Variants in BRAF observed in about 807,000 individuals in gnomAD.
The protein encoded by BRAF is B-Raf proto-oncogene, serine/threonine kinase.
A neutral mutation model predicts 104.6 loss-of-function variants in BRAF; 16 were observed. The ratio of observed to expected loss-of-function variants is 0.15; its 90% confidence interval spans 0.10 to 0.23. The LOEUF (loss-of-function observed/expected upper bound fraction) is 0.23. BRAF is among the 10% of genes least tolerant of loss of function. BRAF has a pLI of 1.00. For synonymous variants in BRAF, 310 were observed against 341.6 expected (o/e 0.91, Z 1.02); for missense variants, 541 against 937.3 (o/e 0.58, Z 5.52).
At chr7:140,892,671 T>C (rs1192502969) in intron 1 of BRAF, among the ~76,000 whole-genome samples, 1 of 152,038 alleles carries the variant, frequency 6.6e-6, no homozygotes, top group Non-Finnish European at 1.5e-5. Context: ...GGTAGAGAGG[T>C]AGGAAAGGGC....
chr7:140,779,697 C>A (rs1178596071), intron 12 of BRAF: 1 of 152,210 alleles, frequency 6.6e-6, no homozygotes, highest in Non-Finnish European at 1.5e-5. Flanking sequence ...CTTTGGAAGG[C>A]CAAGGTGGGT....
chr7:140,896,394 A>T (rs1814899957), intron 1 of BRAF, among the ~76,000 whole-genome samples: 2 of 152,176 alleles, frequency 1.3e-5, no homozygotes, highest in African/African-American at 4.8e-5. Context: ...CACATCCAAA[A>T]GGATGAAAAC....
chr7:140,800,335 C>T lies in BRAF; in HGVS notation c.980+27G>A, dbSNP rs41282721. 0.07 allele frequency: 113,613 copies of T among 1,613,628 alleles called. 4,526 individuals are homozygous for T. The highest frequency in any genetic ancestry group is 0.12 in the Middle Eastern group (736 of 5,996). ...AAAGAAAGCGGTTCAAGTAGCATGT[C>T]GCCCAAGAGCAGAAGTCAAACCATA... is the stretch of plus-strand genomic sequence containing the variant. On this transcript the variant is annotated intron_variant, in intron 7 of 19. Transcript: ENST00000644969.
At chr7:140,860,588 C>T (rs1810315673) in intron 1 of BRAF, among the ~76,000 whole-genome samples, 1 of 151,826 alleles carries the variant, frequency 6.6e-6, no homozygotes, top group Non-Finnish European at 1.5e-5. Context: ...AAGTTTGAGG[C>T]TACAATAAGA....
intron 7 of BRAF, among the ~76,000 whole-genome samples, chr7:140,797,268 C>T (rs1368341049): frequency 3.3e-5 from 5 of 152,134 alleles, no homozygotes; most frequent in South Asian, 2.1e-4. Context: ...TCTGGTGATA[C>T]GTACATTTTA....
In BRAF at chr7:140,720,289, G is replaced by C; in HGVS notation, c.*6205C>G. The C allele has an allele frequency of 9.4e-7, 1 of 1,062,684 alleles. No homozygotes were observed. Among genetic ancestry groups the C allele is most frequent in the Non-Finnish European group, 1.1e-6 (1 of 877,680 alleles). The allele number at this position is 1,062,684 out of a possible 1,614,324, so 65.8% of individuals were successfully genotyped here. A position where few individuals can be genotyped will look rare whatever the true frequency, so the allele number is the denominator to read the frequency against. ...GGCGATATCATGAAGGCCAAACTGA[G>C]TCTATATATGTGGCATGGCCAAAGG... On this transcript the variant is annotated 3_prime_UTR_variant, in exon 20 of 20. Coordinates refer to ENST00000644969, the MANE Select transcript of BRAF (RefSeq NM_001374258.1).
At chr7:140,766,855 T>C (rs905989979) in intron 14 of BRAF, among the ~76,000 whole-genome samples, 17 of 152,090 alleles carry the variant, frequency 1.1e-4, no homozygotes, top group African/African-American at 4.1e-4. Flanking sequence ...TGCCCTACTT[T>C]TAAATTTTAC....
chr7:140,841,302 A>T (rs906771356), intron 2 of BRAF, among the ~76,000 whole-genome samples: 1 of 152,214 alleles, frequency 6.6e-6, no homozygotes, highest in African/African-American at 2.4e-5. Context: ...AATACAAAAT[A>T]GTGCAGCAAC....
chr7:140,799,576 T>C, intron 7 of BRAF: 1 of 232,408 alleles, frequency 4.3e-6, no homozygotes, highest in Non-Finnish European at 8.5e-6. Context: ...TTTATATCTG[T>C]TGTTTCTCCA....
chr7:140,775,867 G>A (rs1205317332), intron 14 of BRAF, among the ~76,000 whole-genome samples: 1 of 152,212 alleles, frequency 6.6e-6, no homozygotes, highest in Non-Finnish European at 1.5e-5. Context: ...GAAGATCTAA[G>A]AGCCAGATCT....
intron 19 of BRAF, chr7:140,731,156 C>T (rs1795929175): frequency 6.6e-6 from 1 of 152,212 alleles, no homozygotes; most frequent in Non-Finnish European, 1.5e-5. Context: ...GCTGGGGCTA[C>T]AGTTGTGCAC....
At chr7:140,740,180 G>A (rs1248776199) in intron 17 of BRAF, 1 of 493,444 alleles carries the variant, frequency 2.0e-6, no homozygotes, top group Non-Finnish European at 3.6e-6. Flanking sequence ...TTCTCTAATT[G>A]CTCCCCTGCT....
chr7:140,731,609 C>A (rs1172561196), intron 19 of BRAF: 1 of 152,116 alleles, frequency 6.6e-6, no homozygotes, highest in South Asian at 2.1e-4. Flanking sequence ...TTAGAGAGGA[C>A]AATTTTAACT....
chr7:140,746,930 G>A (rs1797402059), intron 17 of BRAF, among the ~76,000 whole-genome samples: 2 of 152,010 alleles, frequency 1.3e-5, no homozygotes, highest in South Asian at 4.2e-4. Flanking sequence ...ACATCACACT[G>A]CTTTACCAGC....
At chr7:140,753,807 T>G (rs566228881) in intron 15 of BRAF, 16 of 318,570 alleles carry the variant, frequency 5.0e-5, no homozygotes, top group Non-Finnish European at 9.5e-5. Flanking sequence ...ATTATGTTTT[T>G]CTCACCTCAT....
intron 3 of BRAF, among the ~76,000 whole-genome samples, chr7:140,826,992 T>C (rs992355293): frequency 2.6e-5 from 4 of 152,222 alleles, no homozygotes; most frequent in African/African-American, 9.6e-5. Flanking sequence ...CATTAACTTA[T>C]CAAGGAGTCT....
intron 17 of BRAF, chr7:140,741,523 T>C (rs893989579): frequency 3.9e-5 from 6 of 152,248 alleles, no homozygotes; most frequent in African/African-American, 1.4e-4. Context: ...ATGGTCCTTC[T>C]TCCCACCACT....
intron 2 of BRAF, 56 bp downstream of exon 2, chr7:140,850,055 T>C (rs1808991106): frequency 2.3e-6 from 3 of 1,280,928 alleles, no homozygotes; most frequent in Middle Eastern, 2.6e-4. Flanking sequence ...CAAATGTTTT[T>C]ATAAGTTCAT....
At chr7:140,849,811 C>CA (rs1379627882) in intron 2 of BRAF, among the ~76,000 whole-genome samples, 19 of 145,492 alleles carry the variant, frequency 1.3e-4, no homozygotes, top group African/African-American at 3.0e-4. Flanking sequence ...GACTCCGTCT[C>CA]AAAAAAAAAT....
Sources: gnomAD v4.1 joint callset for allele counts (sites outside exome capture counted in the v4.1 genomes callset) on GRCh38, gnomAD v4.1.1 for gene constraint, MANE v1.5 for transcripts, NCBI Gene and HGNC (gene_info 2026-07-23, HGNC 2026-07-21) for gene names.